The following SKAP2 variants were observed in gnomAD, a reference collection of about 807,000 sequenced individuals.
SKAP2 encodes src kinase associated phosphoprotein 2.
In SKAP2, 28 loss-of-function variants were observed where a neutral mutation model predicts 54.9. The ratio of observed to expected loss-of-function variants is 0.51; its 90% CI spans 0.38 to 0.70. The LOEUF is 0.70. Among genes scored for constraint, SKAP2 ranks in the 30% least tolerant of loss-of-function variants. The pLI, the probability that SKAP2 is intolerant of heterozygous loss-of-function variation, is 0.00. For synonymous variants in SKAP2, 137 were observed against 134.3 expected (o/e 1.02, Z -0.14); for missense variants, 356 against 424.1 (o/e 0.84, Z 1.41).
At chr7:26,686,499 A>C (rs1786643520) in intron 10 of SKAP2, among the ~76,000 whole-genome samples, 1 of 152,180 alleles carries the variant, frequency 6.6e-6, no homozygotes, top group South Asian at 2.1e-4. Flanking sequence ...ACTCTTCATT[A>C]CATTTTTTTC....
chr7:26,833,157 C>T (rs557823311), intron 4 of SKAP2, among the ~76,000 whole-genome samples: 104 of 152,114 alleles, frequency 6.8e-4, no homozygotes, highest in African/African-American at 2.5e-3. Context: ...AAGACACAAA[C>T]TGTGAGGCGG....
intron 4 of SKAP2, among the ~76,000 whole-genome samples, chr7:26,788,355 G>A (rs533500077): frequency 1.3e-5 from 2 of 151,168 alleles, no homozygotes; most frequent in South Asian, 4.2e-4. Context: ...CTTCATCTTC[G>A]CAGTGGTTAA....
intron 4 of SKAP2, among the ~76,000 whole-genome samples, chr7:26,765,680 T>G (rs1783036510): frequency 6.6e-6 from 1 of 152,240 alleles, no homozygotes; most frequent in Non-Finnish European, 1.5e-5. Flanking sequence ...TTCAGTTTTC[T>G]GCATATGACT....
chr7:26,822,790 G>A (rs572388685), intron 4 of SKAP2, among the ~76,000 whole-genome samples: 3 of 152,096 alleles, frequency 2.0e-5, no homozygotes, highest in African/African-American at 7.2e-5. Flanking sequence ...GGCTGAGGCA[G>A]GAGAATGGCG....
At chr7:26,704,941 A>C (rs1787125168) in intron 9 of SKAP2, among the ~76,000 whole-genome samples, 1 of 152,212 alleles carries the variant, frequency 6.6e-6, no homozygotes, top group African/African-American at 2.4e-5. Flanking sequence ...AACATCAACA[A>C]AATGTCTGCT....
intron 11 of SKAP2, among the ~76,000 whole-genome samples, chr7:26,682,483 T>C (rs1014837371): frequency 6.6e-6 from 1 of 152,176 alleles, no homozygotes; most frequent in Non-Finnish European, 1.5e-5. Flanking sequence ...GGTCCACAGC[T>C]GAGTAACGAT....
In SKAP2 at chr7:26,821,566, G is replaced by A. The variant is rs80167650; in HGVS notation, c.307+22464C>T. On this transcript the variant is annotated intron_variant, in intron 4 of 12. Coordinates refer to ENST00000345317, the MANE Select transcript of SKAP2 (RefSeq NM_003930.5). ...CTCATGATATTAAACATGTTTAGGC[G>A]AATAAATCAATGATTTGCCACATCT... 9.7e-4 allele frequency among the ~76,000 whole-genome samples: 147 copies of A among 152,212 alleles called. No individual in the cohort carries two copies. In the East Asian group the frequency reaches 0.025, roughly 26 times the overall value.
chr7:26,818,835 T>C (rs1784325684), intron 4 of SKAP2, among the ~76,000 whole-genome samples: 2 of 152,208 alleles, frequency 1.3e-5, no homozygotes, highest in African/African-American at 4.8e-5. Context: ...TCATCATCAC[T>C]GGTCATTAGA....
At chr7:26,659,091 CT>C in the SKAP2 span, among the ~76,000 whole-genome samples, 1 of 152,244 alleles carries the variant, frequency 6.6e-6, no homozygotes, top group East Asian at 1.9e-4. Flanking sequence ...TATCATAATT[CT>C]GAAAACTGGA....
chr7:26,726,887 A>C lies in SKAP2; in HGVS notation c.589T>G (p.Tyr197Asp). Residue 197 changes from tyrosine (Y) to aspartate (D), a missense_variant, in exon 7 of 13, where the codon TAT (tyrosine) becomes GAT (aspartate). Tyr to Asp is a radical substitution (Grantham distance 160, BLOSUM62 -3). Coordinates refer to ENST00000345317, the MANE Select transcript of SKAP2 (RefSeq NM_003930.5). ...FEISAPDKRI[Y>D]QFTAASPKDA... Reference sequence around the variant, plus strand: ...GGCAACATAAAAACTACAACCTGATATATACGTTTATCAGGAGCAGAGATT... The same window carrying C: ...GGCAACATAAAAACTACAACCTGATCTATACGTTTATCAGGAGCAGAGATT... 1 of 1,606,744 alleles carries C rather than the reference A, an allele frequency of 6.2e-7. No individual in the cohort carries two copies. Among genetic ancestry groups the C allele is most frequent in the Non-Finnish European group, 8.5e-7 (1 of 1,176,986 alleles).
At chr7:26,750,442 C>A (rs965073919) in intron 4 of SKAP2, among the ~76,000 whole-genome samples, 1 of 151,536 alleles carries the variant, frequency 6.6e-6, no homozygotes, top group Non-Finnish European at 1.5e-5. Context: ...TCCCAAGTAG[C>A]TGGGATTACA....
chr7:26,847,774 A>C (rs1222930257), intron 3 of SKAP2, among the ~76,000 whole-genome samples: 2 of 152,206 alleles, frequency 1.3e-5, no homozygotes, highest in Non-Finnish European at 2.9e-5. Context: ...GTGGTCATAA[A>C]ATTAATGATC....
At chr7:26,681,396 A>G (rs946248414) in intron 11 of SKAP2, among the ~76,000 whole-genome samples, 1 of 152,240 alleles carries the variant, frequency 6.6e-6, no homozygotes, top group Non-Finnish European at 1.5e-5. Context: ...GTGAGCCGAG[A>G]TCGTGCCATT....
rs886838142 is a variant in SKAP2 at position 26,850,004 on chromosome 7, G to A, written c.199+4133C>T. On this transcript the variant is annotated intron_variant, in intron 3 of 12. Coordinates refer to ENST00000345317, the MANE Select transcript of SKAP2 (RefSeq NM_003930.5). ...CTGGAGAAAACTGAGACTAATACAT[G>A]ATCAAGACACAACTATAGCCCAAAT... Among the ~76,000 whole-genome samples the A allele has an allele frequency of 3.3e-5, 5 of 152,190 alleles. No homozygotes were observed. The South Asian group carries it at 1.0e-3, about 32-fold the overall frequency.
intron 11 of SKAP2, among the ~76,000 whole-genome samples, chr7:26,671,056 C>T (rs10231080): frequency 0.077 from 11,652 of 152,088 alleles, 567 homozygotes; most frequent in Middle Eastern, 0.17. Flanking sequence ...ACTTTTTCCT[C>T]CTTTGACAGA....
chr7:26,700,810 T>C (rs1255826632), intron 9 of SKAP2, among the ~76,000 whole-genome samples: 1 of 152,232 alleles, frequency 6.6e-6, no homozygotes, highest in Admixed American at 6.5e-5. Context: ...TATAATACAA[T>C]TGCTAGACTC....
intron 4 of SKAP2, among the ~76,000 whole-genome samples, chr7:26,773,046 G>A (rs1783222798): frequency 6.6e-6 from 1 of 152,190 alleles, no homozygotes; most frequent in South Asian, 2.1e-4. Flanking sequence ...CACATAAGAT[G>A]AAGATGATAT....
At chr7:26,694,451 C>T (rs947321181) in intron 9 of SKAP2, among the ~76,000 whole-genome samples, 49 of 146,290 alleles carry the variant, frequency 3.3e-4, no homozygotes, top group Non-Finnish European at 4.3e-4. Context: ...TTAGAAGAAT[C>T]ATCAGGAGAT....
chr7:26,783,571 C>T (rs896841102), intron 4 of SKAP2, among the ~76,000 whole-genome samples: 6 of 152,174 alleles, frequency 3.9e-5, no homozygotes, highest in African/African-American at 1.4e-4. Flanking sequence ...CAGGATGCCT[C>T]CCTCTGGATT....
Sources: gnomAD v4.1 joint callset for allele counts (sites outside exome capture counted in the v4.1 genomes callset) on GRCh38, gnomAD v4.1.1 for gene constraint, MANE v1.5 for transcripts, NCBI Gene and HGNC (gene_info 2026-07-23, HGNC 2026-07-21) for gene names.